Variants in MYT1L observed in about 807,000 individuals in gnomAD.
MYT1L encodes myelin transcription factor 1 like, also known as myelin transcription factor 1-like protein.
In MYT1L, 12 loss-of-function variants were observed where a neutral mutation model predicts 126.7. That is an observed-to-expected ratio of 0.09 (90% CI 0.06 to 0.15). The LOEUF is 0.15. Ranked by LOEUF, MYT1L falls within the 10% of genes least tolerant of loss-of-function variation. MYT1L has a pLI of 1.00. For missense variants in MYT1L, 979 were observed against 1,585.2 expected (o/e 0.62, Z 6.49); for synonymous variants, 541 against 604.2 (o/e 0.90, Z 1.53).
intron 3 of MYT1L, among the ~76,000 whole-genome samples, chr2:2,080,599 A>T (rs1341234070): frequency 6.6e-6 from 1 of 152,212 alleles, no homozygotes; most frequent in Admixed American, 6.5e-5. Flanking sequence ...TCAGTTTGTC[A>T]TCTGGGAAAT....
At chr2:2,310,827 T>A (rs930065981) in intron 1 of MYT1L, among the ~76,000 whole-genome samples, 3 of 152,012 alleles carry the variant, frequency 2.0e-5, no homozygotes, top group African/African-American at 7.3e-5. Flanking sequence ...TTTCTTATAA[T>A]CCCTAGCATC....
At position 1,892,220 on chromosome 2, in the gene MYT1L, G is replaced by A; in HGVS notation, c.2100C>T (p.Ser700=). The A allele has an allele frequency of 6.5e-7, 1 of 1,550,258 alleles. No homozygotes were observed. Among genetic ancestry groups the A allele is most frequent in the East Asian group, 2.4e-5 (1 of 40,884 alleles). Residue 700 remains serine, a synonymous_variant, in exon 15 of 25, where the codon AGC becomes AGT. Transcript: ENST00000647738. ...SSTSSYAPSS[S]SNLSCGGGSS... is the part of the protein sequence containing the mutation. ...TGCCCCCGCCGCAGCTCAGGTTGCT[G>A]CTGCTGCTGGGCGCGTAGCTGCTGG...
chr2:1,987,178 G>A (rs905428053), intron 5 of MYT1L, among the ~76,000 whole-genome samples: 1 of 152,124 alleles, frequency 6.6e-6, no homozygotes, highest in Admixed American at 6.5e-5. Flanking sequence ...TAGGGCTGGG[G>A]GGTACCCGAA....
In MYT1L at chr2:1,929,729, T is replaced by C. The variant is rs1299496532; in HGVS notation, c.506-6466A>G. Among the ~76,000 whole-genome samples, 2 of 152,246 alleles carry C rather than the reference T, an allele frequency of 1.3e-5. No individual in the cohort carries two copies. The highest frequency in any genetic ancestry group is 2.9e-5 in the Non-Finnish European group (2 of 68,046). On this transcript the variant is annotated intron_variant, in intron 9 of 24. Coordinates refer to ENST00000647738, the MANE Select transcript of MYT1L (RefSeq NM_001303052.2). This position sits in a 1 kb window ranked among gnomAD's most constrained non-coding sequence, Gnocchi z 4.7. ...TCTCCAGTGCCGGCCATTGCCATTTTCTTTGAATTTTAGTGCTAGATAGAA... is the reference window on the plus strand; with the variant it reads ...TCTCCAGTGCCGGCCATTGCCATTTCCTTTGAATTTTAGTGCTAGATAGAA...
rs532945905 is a variant in MYT1L at position 2,129,588 on chromosome 2, C to T, written c.-304+43284G>A. Reference sequence around the variant, plus strand: ...CTGGACAAGTGACCGCAGCCACAAACACCAATTGCATATTGAGTCAAGAAT... The same window carrying T: ...CTGGACAAGTGACCGCAGCCACAAATACCAATTGCATATTGAGTCAAGAAT... On this transcript the variant is annotated intron_variant, in intron 3 of 24. Transcript: ENST00000647738. Among the ~76,000 whole-genome samples the T allele has an allele frequency of 6.6e-5, 10 of 152,244 alleles. No individual in the cohort carries two copies. In the East Asian group the frequency reaches 1.2e-3, roughly 18 times the overall value.
chr2:2,264,220 T>C (rs2095063020), intron 2 of MYT1L, among the ~76,000 whole-genome samples: 1 of 152,220 alleles, frequency 6.6e-6, no homozygotes, highest in South Asian at 2.1e-4. Flanking sequence ...CTCATGCAAG[T>C]CTGACTGGCA....
chr2:1,805,703 T>G (rs988466072), intron 22 of MYT1L, among the ~76,000 whole-genome samples: 7 of 152,120 alleles, frequency 4.6e-5, no homozygotes, highest in Admixed American at 3.3e-4. Context: ...CTGGGCAACA[T>G]GGCGAAGCCC....
intron 18 of MYT1L, among the ~76,000 whole-genome samples, chr2:1,866,579 G>A (rs115355121): frequency 0.045 from 6,011 of 133,222 alleles, 222 homozygotes; most frequent in Non-Finnish European, 0.058. Flanking sequence ...GAGAGAGAGA[G>A]AGGCAGGCAG....
At chr2:2,050,063 C>T (rs1019851489) in intron 4 of MYT1L, among the ~76,000 whole-genome samples, 7 of 151,956 alleles carry the variant, frequency 4.6e-5, no homozygotes, top group African/African-American at 1.7e-4. Context: ...AAGCTTGGTA[C>T]AGAGTGGATG....
chr2:2,320,175 G>A (rs915448129), intron 1 of MYT1L, among the ~76,000 whole-genome samples: 17 of 152,054 alleles, frequency 1.1e-4, no homozygotes, highest in African/African-American at 3.4e-4. Flanking sequence ...CCACTGGGGT[G>A]CAGACATAGT....
chr2:2,280,696 C>A (rs530930044), intron 2 of MYT1L, among the ~76,000 whole-genome samples: 1 of 152,148 alleles, frequency 6.6e-6, no homozygotes, highest in East Asian at 1.9e-4. Flanking sequence ...TGGCCACGCG[C>A]GTGCAGCATT....
chr2:1,926,788 C>G (rs1172465397), intron 9 of MYT1L, among the ~76,000 whole-genome samples: 1 of 152,206 alleles, frequency 6.6e-6, no homozygotes, highest in East Asian at 1.9e-4. Context: ...ATCCTCCTGC[C>G]TCGGCCTCCC....
chr2:2,019,461 A>G (rs777564960), intron 4 of MYT1L, among the ~76,000 whole-genome samples: 19 of 152,356 alleles, frequency 1.2e-4, no homozygotes, highest in Non-Finnish European at 2.1e-4. Flanking sequence ...ACAGACTTAT[A>G]CAATGCCCAA....
intron 21 of MYT1L, among the ~76,000 whole-genome samples, chr2:1,815,458 C>G (rs1396220969): frequency 6.6e-6 from 1 of 152,224 alleles, no homozygotes; most frequent in East Asian, 1.9e-4. Flanking sequence ...TCCCCGTGTC[C>G]TTTCCACCCT....
chr2:1,903,646 C>CA (rs1481566534), intron 13 of MYT1L, among the ~76,000 whole-genome samples: 1 of 151,984 alleles, frequency 6.6e-6, no homozygotes, highest in Non-Finnish European at 1.5e-5. Context: ...GCAACGGTTA[C>CA]AAAGAGTTGC....
At chr2:2,236,361 C>T (rs947332353) in intron 2 of MYT1L, among the ~76,000 whole-genome samples, 1 of 86,590 alleles carries the variant, frequency 1.2e-5, no homozygotes. Flanking sequence ...TCCCAACCCA[C>T]CCCAGTACAT....
In MYT1L at chr2:2,214,257, TTATCTATC is replaced by T. The variant is rs61708071; in HGVS notation, c.-420-41277_-420-41270del. ...AAAAAAAAAAGAAACATGAGACAAA[TTATCTATC>T]TATCTATCTATCTATCTATCTATCT... On this transcript the variant is annotated intron_variant, in intron 2 of 24. Coordinates refer to ENST00000647738, the MANE Select transcript of MYT1L (RefSeq NM_001303052.2). 8.9e-3 allele frequency among the ~76,000 whole-genome samples: 1,316 copies of T among 147,412 alleles called. 7 individuals carry two copies. Among genetic ancestry groups the T allele is most frequent in the African/African-American group, 0.018 (737 of 40,044 alleles).
At chr2:2,013,641 C>T (rs2064059713) in intron 4 of MYT1L, among the ~76,000 whole-genome samples, 1 of 152,248 alleles carries the variant, frequency 6.6e-6, no homozygotes, top group Non-Finnish European at 1.5e-5. Flanking sequence ...AGATCATGTG[C>T]TGCTCTGCAG....
chr2:2,132,673 T>C (rs143646659), intron 3 of MYT1L, among the ~76,000 whole-genome samples: 2,303 of 152,232 alleles, frequency 0.015, 69 homozygotes, highest in African/African-American at 0.052. Context: ...CAAACCACCA[T>C]GGCACATATA....
Sources: gnomAD v4.1 joint callset for allele counts (sites outside exome capture counted in the v4.1 genomes callset) on GRCh38, gnomAD v4.1.1 for gene constraint, Gnocchi (gnomAD v3.1) non-coding constraint, MANE v1.5 for transcripts, NCBI Gene and HGNC (gene_info 2026-07-23, HGNC 2026-07-21) for gene names.